Variants in KLHL29 observed in about 807,000 individuals in gnomAD.
The protein encoded by KLHL29 is kelch like family member 29, also known as kelch-like protein 29.
Under a neutral mutation model 80.4 loss-of-function variants are expected in KLHL29, and 21 were observed. The ratio of observed to expected loss-of-function variants is 0.26; its 90% CI spans 0.19 to 0.38. KLHL29 has a LOEUF of 0.38. Ranked by LOEUF, KLHL29 falls within the 10% of genes least tolerant of loss-of-function variation. The pLI is 1.00. For missense variants in KLHL29, 867 were observed against 1,223.9 expected (o/e 0.71, Z 4.35); for synonymous variants, 511 against 526.8 (o/e 0.97, Z 0.41).
At chr2:23,406,812 A>G (rs867956497) in intron 1 of KLHL29, among the ~76,000 whole-genome samples, 10 of 152,322 alleles carry the variant, frequency 6.6e-5, no homozygotes, top group South Asian at 2.1e-4. Flanking sequence ...GAGTTCTAGA[A>G]ATAGAATTAC....
At chr2:23,544,650 A>G (rs1453891513) in intron 2 of KLHL29, among the ~76,000 whole-genome samples, 8 of 152,202 alleles carry the variant, frequency 5.3e-5, no homozygotes, top group Non-Finnish European at 1.0e-4. Context: ...CCATTTTACA[A>G]TAGGATGGGC....
intron 3 of KLHL29, among the ~76,000 whole-genome samples, chr2:23,563,467 A>T (rs939095503): frequency 1.3e-5 from 2 of 152,186 alleles, no homozygotes; most frequent in African/African-American, 2.4e-5. Context: ...GTCCGTGTAC[A>T]TGCGTGTATG....
intron 1 of KLHL29, among the ~76,000 whole-genome samples, chr2:23,469,464 C>T (rs1296022992): frequency 6.6e-6 from 1 of 152,178 alleles, no homozygotes; most frequent in East Asian, 1.9e-4. Context: ...CAGCCCGCAG[C>T]ACCAGGCAGA....
Position 23,639,239 on chromosome 2 carries a change from A to G in KLHL29, c.386A>G (p.Asp129Gly). The G allele has an allele frequency of 6.5e-7, 1 of 1,549,104 alleles. No individual in the cohort carries two copies. The highest frequency in any genetic ancestry group is 8.7e-7 in the Non-Finnish European group (1 of 1,145,892). ...PINQSTPWDT[D>G]EPPSKQMRES... ...AATCAGTCCACACCCTGGGACACTGATGAGCCACCCTCCAAACAGATGAGA... is the reference window on the plus strand; with the variant it reads ...AATCAGTCCACACCCTGGGACACTGGTGAGCCACCCTCCAAACAGATGAGA... The change falls in exon 4 of 14, where the codon GAT (aspartate) becomes GGT (glycine). Residue 129 changes from aspartate to glycine, a missense_variant. Physicochemically the swap from Asp to Gly is moderately conservative, Grantham distance 94. Transcript: ENST00000486442.
intron 5 of KLHL29, among the ~76,000 whole-genome samples, chr2:23,661,395 A>G (rs901537462): frequency 1.3e-5 from 2 of 150,562 alleles, no homozygotes; most frequent in Non-Finnish European, 2.9e-5. Context: ...GCCCAACCTC[A>G]GAAGGTCCCA....
At chr2:23,582,870 G>A (rs969773745) in intron 3 of KLHL29, among the ~76,000 whole-genome samples, 6 of 152,126 alleles carry the variant, frequency 3.9e-5, no homozygotes, top group African/African-American at 7.2e-5. Flanking sequence ...ATATCTAAAC[G>A]TGACCTTGTT....
At chr2:23,428,208 C>T (rs1663058982) in intron 1 of KLHL29, among the ~76,000 whole-genome samples, 1 of 152,138 alleles carries the variant, frequency 6.6e-6, no homozygotes, top group Admixed American at 6.6e-5. Context: ...GGAGTGTTGA[C>T]GTGGGCAGGT....
intron 2 of KLHL29, among the ~76,000 whole-genome samples, chr2:23,539,445 T>TA: frequency 6.9e-6 from 1 of 144,714 alleles, no homozygotes; most frequent in Non-Finnish European, 1.5e-5. Context: ...TTTTTTTTTT[T>TA]TTTTTTTTTT....
chr2:23,539,906 A>G (rs1408098507), intron 2 of KLHL29, among the ~76,000 whole-genome samples: 1 of 152,092 alleles, frequency 6.6e-6, no homozygotes, highest in Non-Finnish European at 1.5e-5. Context: ...TTGTTTCTCT[A>G]GGCTCCAACT....
intron 3 of KLHL29, among the ~76,000 whole-genome samples, chr2:23,583,331 A>G (rs1668034107): frequency 6.6e-6 from 1 of 152,194 alleles, no homozygotes; most frequent in Non-Finnish European, 1.5e-5. Flanking sequence ...TTTGCAAAAC[A>G]TGCTCTTGAT....
intron 2 of KLHL29, among the ~76,000 whole-genome samples, chr2:23,527,040 T>C (rs1666347083): frequency 6.6e-6 from 1 of 152,126 alleles, no homozygotes; most frequent in African/African-American, 2.4e-5. Context: ...GTTGTGTCAC[T>C]TCCCTGCTAG....
chr2:23,440,251 G>T (rs1057279266), intron 1 of KLHL29, among the ~76,000 whole-genome samples: 2 of 152,060 alleles, frequency 1.3e-5, no homozygotes, highest in Non-Finnish European at 2.9e-5. Flanking sequence ...TTAATAAATG[G>T]TGCTGGGAAA....
chr2:23,525,734 C>CT (rs1296836412), intron 2 of KLHL29, among the ~76,000 whole-genome samples: 1 of 45,916 alleles, frequency 2.2e-5, no homozygotes, highest in South Asian at 7.4e-4. Context: ...CTGCCCCCCC[C>CT]CCCCACCCGA....
chr2:23,417,666 A>G (rs1456344825), intron 1 of KLHL29, among the ~76,000 whole-genome samples: 1 of 151,976 alleles, frequency 6.6e-6, no homozygotes, highest in Non-Finnish European at 1.5e-5. Context: ...CATTTTTATC[A>G]CTGCATTGTC....
At chr2:23,433,461 C>T (rs1663244333) in intron 1 of KLHL29, among the ~76,000 whole-genome samples, 1 of 152,200 alleles carries the variant, frequency 6.6e-6, no homozygotes, top group Non-Finnish European at 1.5e-5. Context: ...CTGGCTCATA[C>T]TTGACCTGGC....
At chr2:23,511,994 G>A (rs1190926516) in intron 2 of KLHL29, among the ~76,000 whole-genome samples, 1 of 152,172 alleles carries the variant, frequency 6.6e-6, no homozygotes, top group Non-Finnish European at 1.5e-5. Context: ...ACCACACAGA[G>A]ATAAATATGT....
At chr2:23,563,499 GC>G (rs1392973187) in intron 3 of KLHL29, among the ~76,000 whole-genome samples, 7 of 152,234 alleles carry the variant, frequency 4.6e-5, no homozygotes, top group Non-Finnish European at 8.8e-5. Context: ...GTGTGTGTGT[GC>G]ATGAGTGTAT....
chr2:23,695,889 C>T lies in KLHL29; in HGVS notation c.1742-62C>T. ...TGGGCTCAGTGGTTCCAGTGAGGTG[C>T]CAGGCACAGATGCCGACAGTCTTAG... On this transcript the variant is annotated intron_variant, in intron 9 of 13. Coordinates refer to ENST00000486442, the MANE Select transcript of KLHL29 (RefSeq NM_052920.2). This position sits in a 1 kb window ranked among gnomAD's most constrained non-coding sequence, Gnocchi z 7.6. 1 of 1,534,532 alleles carries T rather than the reference C, an allele frequency of 6.5e-7. No individual in the cohort carries two copies. Among genetic ancestry groups the T allele is most frequent in the Admixed American group, 2.0e-5 (1 of 50,240 alleles).
chr2:23,426,730 G>T (rs559977709), intron 1 of KLHL29, among the ~76,000 whole-genome samples: 20 of 152,282 alleles, frequency 1.3e-4, no homozygotes, highest in African/African-American at 4.6e-4. Context: ...ACTCAGAGCC[G>T]TGACTGGGAC....
Sources: gnomAD v4.1 joint callset for allele counts (sites outside exome capture counted in the v4.1 genomes callset) on GRCh38, gnomAD v4.1.1 for gene constraint, Gnocchi (gnomAD v3.1) non-coding constraint, MANE v1.5 for transcripts, NCBI Gene and HGNC (gene_info 2026-07-23, HGNC 2026-07-21) for gene names.